DGKB: variants seen among roughly 807,000 people sequenced by gnomAD.
The protein encoded by DGKB is diacylglycerol kinase beta.
Under a neutral mutation model 114.3 loss-of-function variants are expected in DGKB, and 67 were observed. The observed-to-expected ratio is 0.59, with a 90% CI of 0.48 to 0.72. DGKB has a LOEUF of 0.72. Among genes scored for constraint, DGKB ranks in the 30% least tolerant of loss-of-function variants. The probability of loss-of-function intolerance (pLI) is 0.00; values close to 1 mark genes in which losing one functional copy is unlikely to be tolerated. For missense variants in DGKB, 907 were observed against 975.2 expected (o/e 0.93, Z 0.93); for synonymous variants, 398 against 323.1 (o/e 1.23, Z -2.49).
At chr7:14,829,282 C>T (rs1345926604) in intron 2 of DGKB, among the ~76,000 whole-genome samples, 1 of 152,138 alleles carries the variant, frequency 6.6e-6, no homozygotes, top group Admixed American at 6.6e-5. Context: ...AAGTGTCTGA[C>T]ATCTTATCAT....
rs892088897 is a variant in DGKB at position 14,147,840 on chromosome 7, A to ACAGT, written c.*1287_*1290dup. 1.3e-5 allele frequency: 2 copies of ACAGT among 152,470 alleles called. No homozygotes were observed. Among genetic ancestry groups the ACAGT allele is most frequent in the Admixed American group, 6.6e-5 (1 of 15,252 alleles). The allele number at this position is 152,470 out of a possible 1,614,324, so 9.4% of individuals were successfully genotyped here. A position where few individuals can be genotyped will look rare whatever the true frequency, so the allele number is the denominator to read the frequency against. On this transcript the variant is annotated 3_prime_UTR_variant, in exon 26 of 26. Transcript: ENST00000402815. ...AAGTACTGTTCTGTGATTTCTTTAAACAGTCAGAGACTCCAACTATGCCAT... is the reference window on the plus strand; with the variant it reads ...AAGTACTGTTCTGTGATTTCTTTAAACAGTCAGTCAGAGACTCCAACTATGCCAT...
chr7:14,956,854 A>AT (rs556119417), intron 1 of DGKB, among the ~76,000 whole-genome samples: 18,361 of 148,244 alleles, frequency 0.12, 1,224 homozygotes, highest in Admixed American at 0.18. Context: ...AGTCGTTTCA[A>AT]TTTTTTTTTT....
At chr7:14,620,934 A>C (rs1807517156) in intron 15 of DGKB, among the ~76,000 whole-genome samples, 2 of 151,748 alleles carry the variant, frequency 1.3e-5, no homozygotes, top group Non-Finnish European at 3.0e-5. Context: ...TTTATTATTA[A>C]AAATATTTAT....
intron 20 of DGKB, among the ~76,000 whole-genome samples, chr7:14,501,290 C>A (rs1219532451): frequency 6.6e-6 from 1 of 151,846 alleles, no homozygotes; most frequent in Non-Finnish European, 1.5e-5. Context: ...TAATAGGGAT[C>A]TTCTTAAGGA....
chr7:14,399,409 A>G (rs2128722992), intron 21 of DGKB, among the ~76,000 whole-genome samples: 1 of 151,890 alleles, frequency 6.6e-6, no homozygotes, highest in Middle Eastern at 3.4e-3. Flanking sequence ...CCTAAATATT[A>G]GTGAGACAGA....
chr7:14,917,650 A>G (rs572728202), intron 1 of DGKB, among the ~76,000 whole-genome samples: 1 of 152,162 alleles, frequency 6.6e-6, no homozygotes, highest in African/African-American at 2.4e-5. Context: ...TTAAAGCAGA[A>G]ACACCATTCC....
At chr7:14,382,954 G>C (rs548047487) in intron 21 of DGKB, among the ~76,000 whole-genome samples, 1 of 152,220 alleles carries the variant, frequency 6.6e-6, no homozygotes, top group South Asian at 2.1e-4. Flanking sequence ...ATAAAAATAT[G>C]ATAAAAATGT....
intron 2 of DGKB, among the ~76,000 whole-genome samples, chr7:14,791,437 G>C (rs1288784244): frequency 2.0e-5 from 3 of 151,996 alleles, no homozygotes; most frequent in Non-Finnish European, 2.9e-5. Flanking sequence ...GCACTGGCTA[G>C]AAATTCAAGC....
intron 2 of DGKB, among the ~76,000 whole-genome samples, chr7:14,804,571 T>C (rs1842574105): frequency 6.6e-6 from 1 of 152,108 alleles, no homozygotes; most frequent in South Asian, 2.1e-4. Context: ...CTTTCAATTC[T>C]AGACAATTCA....
At position 14,432,408 on chromosome 7, in the gene DGKB, T is replaced by A. The variant is rs188469104; in HGVS notation, c.1835+45753A>T. Among the ~76,000 whole-genome samples the A allele has an allele frequency of 6.5e-4, 99 of 152,322 alleles. 1 individual carries two copies. Among genetic ancestry groups the A allele is most frequent in the African/African-American group, 2.4e-3 (98 of 41,576 alleles). Reference sequence around the variant, plus strand: ...ATAGGCTGTAAACACCATCCATGTCTGTAGCACTTTTCCACATGTCTTTAT... The same window carrying A: ...ATAGGCTGTAAACACCATCCATGTCAGTAGCACTTTTCCACATGTCTTTAT... On this transcript the variant is annotated intron_variant, in intron 21 of 25. Coordinates refer to ENST00000402815, the MANE Select transcript of DGKB (RefSeq NM_001350709.2).
chr7:14,612,445 A>G (rs1185279804), intron 16 of DGKB, among the ~76,000 whole-genome samples: 2 of 152,112 alleles, frequency 1.3e-5, no homozygotes, highest in Non-Finnish European at 2.9e-5. Flanking sequence ...CTAGGATAAT[A>G]ATCTTACACT....
At chr7:14,453,879 T>C (rs1198179847) in intron 21 of DGKB, among the ~76,000 whole-genome samples, 1 of 152,204 alleles carries the variant, frequency 6.6e-6, no homozygotes, top group Non-Finnish European at 1.5e-5. Flanking sequence ...ATATGGGCCA[T>C]AGTTTGCTGA....
chr7:14,867,746 C>T (rs575768195), intron 1 of DGKB, among the ~76,000 whole-genome samples: 48 of 152,140 alleles, frequency 3.2e-4, no homozygotes, highest in South Asian at 1.9e-3. Flanking sequence ...CCTTTGAGAG[C>T]GCTCTTTATA....
At chr7:14,517,336 C>G (rs916418218) in intron 20 of DGKB, among the ~76,000 whole-genome samples, 1 of 151,900 alleles carries the variant, frequency 6.6e-6, no homozygotes, top group African/African-American at 2.4e-5. Context: ...AAATGCAAAA[C>G]CTAAAACTAT....
chr7:14,349,244 T>A (rs1813021563), intron 21 of DGKB, among the ~76,000 whole-genome samples: 1 of 152,088 alleles, frequency 6.6e-6, no homozygotes, highest in African/African-American at 2.4e-5. Flanking sequence ...TTTTACTGAT[T>A]TATGCCATAC....
rs904754258 is a variant in DGKB at position 14,892,169 on chromosome 7, A to C, written c.-188+10423T>G. Among the ~76,000 whole-genome samples the C allele has an allele frequency of 4.6e-5, 7 of 151,480 alleles. No homozygotes were observed. The East Asian group carries it at 1.4e-3, about 29-fold the overall frequency. On this transcript the variant is annotated intron_variant, in intron 1 of 25. Coordinates refer to ENST00000402815, the MANE Select transcript of DGKB (RefSeq NM_001350709.2). ...CTGGATATTGGTGGGAGGAAGAGAG[A>C]GCAATGTTATCACTTAGTGTATCTC...
At chr7:14,198,387 G>A (rs75155709) in intron 23 of DGKB, among the ~76,000 whole-genome samples, 2,736 of 152,076 alleles carry the variant, frequency 0.018, 78 homozygotes, top group African/African-American at 0.062. Flanking sequence ...GAAGACATGA[G>A]TTCCCTGCAT....
intron 1 of DGKB, among the ~76,000 whole-genome samples, chr7:14,849,103 T>C (rs540163682): frequency 2.0e-5 from 3 of 152,130 alleles, no homozygotes; most frequent in African/African-American, 7.2e-5. Flanking sequence ...ACACTTAAAA[T>C]TGATAATTAA....
intron 23 of DGKB, among the ~76,000 whole-genome samples, chr7:14,295,824 T>G (rs1802447980): frequency 6.6e-6 from 1 of 152,042 alleles, no homozygotes; most frequent in Non-Finnish European, 1.5e-5. Flanking sequence ...TCATCTACAT[T>G]AAGTATTTCT....
Sources: gnomAD v4.1 joint callset for allele counts (sites outside exome capture counted in the v4.1 genomes callset) on GRCh38, gnomAD v4.1.1 for gene constraint, MANE v1.5 for transcripts, NCBI Gene and HGNC (gene_info 2026-07-23, HGNC 2026-07-21) for gene names.